Variants in CSMD1 observed in about 807,000 individuals in gnomAD.
CSMD1 encodes the protein CUB and sushi domain-containing protein 1.
In CSMD1, 213 loss-of-function variants were observed where a neutral mutation model predicts 417.5. The observed-to-expected ratio is 0.51, with a 90% CI of 0.46 to 0.57. The LOEUF is 0.57. Among genes scored for constraint, CSMD1 ranks in the 20% least tolerant of loss-of-function variants. CSMD1 has a pLI of 0.00. For missense variants in CSMD1, 6,923 were observed against 4,529.7 expected (o/e 1.53, Z -15.17); for synonymous variants, 2,862 against 1,736.8 (o/e 1.65, Z -16.11).
chr8:4,523,495 A>C (rs943214453), intron 2 of CSMD1, among the ~76,000 whole-genome samples: 5 of 152,174 alleles, frequency 3.3e-5, no homozygotes, highest in Non-Finnish European at 5.9e-5. Flanking sequence ...AGAGGAGTGT[A>C]GGATGGCTGT....
At chr8:3,267,132 G>C (rs766286353) in intron 26 of CSMD1, among the ~76,000 whole-genome samples, 2 of 152,144 alleles carry the variant, frequency 1.3e-5, no homozygotes, top group African/African-American at 4.8e-5. Context: ...CCCAGAGGTC[G>C]TCCCGCGGCA....
At chr8:3,675,236 T>G (rs575780450) in intron 7 of CSMD1, among the ~76,000 whole-genome samples, 1 of 152,286 alleles carries the variant, frequency 6.6e-6, no homozygotes, top group South Asian at 2.1e-4. Flanking sequence ...CAGCACCTGT[T>G]GGTCTTCATT....
intron 11 of CSMD1, among the ~76,000 whole-genome samples, chr8:3,488,092 T>TTATTATTATTA (rs1818162193): frequency 1.3e-5 from 2 of 150,640 alleles, no homozygotes; most frequent in African/African-American, 4.9e-5. Flanking sequence ...CATAGTATTA[T>TTATTATTATTA]TATTATTATT....
chr8:3,889,210 C>A (rs527994412), intron 5 of CSMD1, among the ~76,000 whole-genome samples: 2 of 150,760 alleles, frequency 1.3e-5, no homozygotes, highest in African/African-American at 2.4e-5. Context: ...TTAGCAGCAG[C>A]AATAATAATT....
intron 3 of CSMD1, among the ~76,000 whole-genome samples, chr8:4,325,443 T>C (rs1799505701): frequency 6.6e-6 from 1 of 152,176 alleles, no homozygotes; most frequent in African/African-American, 2.4e-5. Flanking sequence ...ATACATGGTA[T>C]TTACTTCATG....
At chr8:4,176,181 G>A (rs924856562) in intron 3 of CSMD1, among the ~76,000 whole-genome samples, 7 of 152,120 alleles carry the variant, frequency 4.6e-5, no homozygotes, top group Admixed American at 2.0e-4. Context: ...CAGAAGCCCT[G>A]CAGAACCACA....
chr8:3,774,301 A>C (rs942441623), intron 5 of CSMD1, among the ~76,000 whole-genome samples: 1 of 152,130 alleles, frequency 6.6e-6, no homozygotes, highest in Admixed American at 6.6e-5. Context: ...GTGTTCCCAG[A>C]GCATCTGGGT....
At chr8:4,301,721 G>A (rs546186370) in intron 3 of CSMD1, among the ~76,000 whole-genome samples, 1 of 152,194 alleles carries the variant, frequency 6.6e-6, no homozygotes, top group African/African-American at 2.4e-5. Context: ...TGCATAGTCT[G>A]TTGCTGTGGG....
intron 6 of CSMD1, among the ~76,000 whole-genome samples, chr8:3,736,706 C>A (rs1326038292): frequency 6.6e-6 from 1 of 152,200 alleles, no homozygotes; most frequent in Non-Finnish European, 1.5e-5. Flanking sequence ...GGGATAAGGA[C>A]ACACCTGCTT....
chr8:4,252,984 G>A (rs901543492), intron 3 of CSMD1, among the ~76,000 whole-genome samples: 1 of 152,170 alleles, frequency 6.6e-6, no homozygotes, highest in East Asian at 1.9e-4. Context: ...GTAAGCCTAT[G>A]AGTTTTAAAG....
chr8:3,397,237 C>G (rs1394479812), intron 16 of CSMD1, among the ~76,000 whole-genome samples: 1 of 152,150 alleles, frequency 6.6e-6, no homozygotes, highest in African/African-American at 2.4e-5. Flanking sequence ...CTCTGACTCA[C>G]TCAGTCACTT....
chr8:4,972,464 A>G (rs1367320832), intron 1 of CSMD1, among the ~76,000 whole-genome samples: 1 of 152,072 alleles, frequency 6.6e-6, no homozygotes, highest in African/African-American at 2.4e-5. Flanking sequence ...TCCTGTGTTC[A>G]TTCTCCTTCC....
chr8:4,654,725 C>T (rs1293892445), intron 1 of CSMD1, among the ~76,000 whole-genome samples: 3 of 152,088 alleles, frequency 2.0e-5, no homozygotes, highest in African/African-American at 7.3e-5. Context: ...TTTCTCAATG[C>T]ATTCATAATT....
chr8:3,592,256 G>C (rs563558908), intron 8 of CSMD1, among the ~76,000 whole-genome samples: 32 of 152,128 alleles, frequency 2.1e-4, no homozygotes, highest in African/African-American at 7.5e-4. Flanking sequence ...GCTATAGAAA[G>C]ACAGATATAT....
chr8:2,971,716 A>G (rs1207171316), intron 57 of CSMD1, among the ~76,000 whole-genome samples: 1 of 152,190 alleles, frequency 6.6e-6, no homozygotes, highest in Non-Finnish European at 1.5e-5. Flanking sequence ...GATGAGAGGG[A>G]ACTGAAAACA....
intron 1 of CSMD1, among the ~76,000 whole-genome samples, chr8:4,723,610 C>T (rs2116920758): frequency 6.6e-6 from 1 of 151,926 alleles, no homozygotes; most frequent in East Asian, 1.9e-4. Context: ...ATTTAAAAAG[C>T]AAATAATAAT....
chr8:4,059,215 G>C (rs565498175), intron 3 of CSMD1, among the ~76,000 whole-genome samples: 3 of 152,240 alleles, frequency 2.0e-5, no homozygotes, highest in Non-Finnish European at 4.4e-5. Flanking sequence ...CGAAATGAAG[G>C]CAGAAATAAA....
intron 5 of CSMD1, among the ~76,000 whole-genome samples, chr8:3,951,560 C>G (rs974376943): frequency 6.6e-6 from 1 of 151,910 alleles, no homozygotes; most frequent in Admixed American, 6.6e-5. Flanking sequence ...TAAAATACAT[C>G]GCCAAAGATA....
In CSMD1 at chr8:2,938,544, A is replaced by G; in HGVS notation, c.*41T>C. Reference sequence around the variant, plus strand: ...CCAAAGGAATCACTGCTTGTCCATCAGAGGTATGGCTATGAATCAGTCCTG... The same window carrying G: ...CCAAAGGAATCACTGCTTGTCCATCGGAGGTATGGCTATGAATCAGTCCTG... On this transcript the variant is annotated 3_prime_UTR_variant, in exon 70 of 70. Coordinates refer to ENST00000635120, the MANE Select transcript of CSMD1 (RefSeq NM_033225.6). The G allele has an allele frequency of 6.3e-7, 1 of 1,576,088 alleles. No homozygotes were observed. Among genetic ancestry groups the G allele is most frequent in the Non-Finnish European group, 8.6e-7 (1 of 1,156,912 alleles).
Sources: gnomAD v4.1 joint callset for allele counts (sites outside exome capture counted in the v4.1 genomes callset) on GRCh38, gnomAD v4.1.1 for gene constraint, MANE v1.5 for transcripts, NCBI Gene and HGNC (gene_info 2026-07-23, HGNC 2026-07-21) for gene names.